The following MORN1 variants were observed in gnomAD, a reference collection of about 807,000 sequenced individuals.
MORN1 encodes MORN repeat containing 1, also known as MORN repeat-containing protein 1.
A neutral mutation model predicts 61.9 loss-of-function variants in MORN1; 67 were observed. That is an observed-to-expected ratio of 1.08 (90% CI 0.89 to 1.33). The LOEUF (loss-of-function observed/expected upper bound fraction) is 1.33, where lower values mean the gene tolerates loss of function less well. Among genes scored for constraint, MORN1 ranks in the 40% most tolerant of loss-of-function variants. The probability of loss-of-function intolerance (pLI) is 0.00; values close to 1 mark genes in which losing one functional copy is unlikely to be tolerated. For synonymous variants in MORN1, 301 were observed against 292.0 expected, an observed-to-expected ratio of 1.03 and a Z score of -0.31; for missense variants, 752 against 691.2, an observed-to-expected ratio of 1.09 and a Z score of -0.99.
chr1:2,324,798 G>A (rs534877071), intron 12 of MORN1, among the ~76,000 whole-genome samples: 1 of 152,232 alleles, frequency 6.6e-6, no homozygotes, highest in South Asian at 2.1e-4. Context: ...ACCCACCAGG[G>A]TTTCTGAACT....
Position 2,374,546 on chromosome 1 carries a change from G to C in MORN1, c.549C>G (p.His183Gln), listed in dbSNP as rs774221004. ...TGCCCAGTCCACTGAAGACGTCGCT[G>C]TGCCACTGTCCCTGCAGAGAGAAGG... ...ADGSTYKGQW[H>Q]SDVFSGLGSM... is the part of the protein sequence containing the mutation. The change falls in exon 7 of 14, where the codon CAC becomes CAG. Residue 183 changes from histidine (H) to glutamine (Q), a missense_variant. Coordinates refer to ENST00000378531, the MANE Select transcript of MORN1 (RefSeq NM_024848.3). 3 of 1,592,862 alleles carry C rather than the reference G, an allele frequency of 1.9e-6. No individual in the cohort carries two copies. The highest frequency in any genetic ancestry group is 2.6e-6 in the Non-Finnish European group (3 of 1,170,226).
chr1:2,352,792 T>G (rs1641679628), intron 10 of MORN1: 1 of 152,198 alleles, frequency 6.6e-6, no homozygotes, highest in Non-Finnish European at 1.5e-5. Context: ...TCAGGCCTCA[T>G]GTTGGATTAT....
chr1:2,360,613 G>C (rs1183959454), intron 8 of MORN1, among the ~76,000 whole-genome samples: 1 of 152,232 alleles, frequency 6.6e-6, no homozygotes, highest in Non-Finnish European at 1.5e-5. Flanking sequence ...GCAGCGAAGA[G>C]GAGAGAGAGG....
At chr1:2,360,273 C>T (rs1641865820) in intron 8 of MORN1, among the ~76,000 whole-genome samples, 1 of 152,216 alleles carries the variant, frequency 6.6e-6, no homozygotes, top group East Asian at 1.9e-4. Context: ...TGTAAAAACA[C>T]TAGCGTAGCC....
In MORN1 at chr1:2,358,632, C is replaced by G. The variant is rs1227057870; in HGVS notation, c.829G>C (p.Val277Leu). The change falls in exon 9 of 14, where the codon GTG (valine) becomes CTG (leucine). Residue 277 changes from valine to leucine, a missense_variant. By Grantham distance (32) the Val-to-Leu change is conservative. Coordinates refer to ENST00000378531, the MANE Select transcript of MORN1 (RefSeq NM_024848.3). ...AGTGTCTCTTGGTTGTCTCTGTCCA[C>G]TTTGAAAAAGTTGACCTCAGAGTAG... ...SAYSEVNFFK[V>L]DRDNQETLIQ... The G allele has an allele frequency of 1.9e-6, 3 of 1,614,142 alleles. No homozygotes were observed. The highest frequency in any genetic ancestry group is 2.5e-6 in the Non-Finnish European group (3 of 1,180,002).
chr1:2,387,767 G>A (rs548111113), intron 3 of MORN1: 8 of 541,162 alleles, frequency 1.5e-5, no homozygotes, highest in Non-Finnish European at 2.3e-5. Flanking sequence ...CATCTATCCC[G>A]AGGGCAAAGG....
intron 4 of MORN1, 132 bp downstream of exon 4, chr1:2,387,287 G>A (rs1642526575): frequency 1.4e-6 from 1 of 723,692 alleles, no homozygotes; most frequent in Admixed American, 1.9e-5. Context: ...GAGGGCATGG[G>A]CCCCCTACCT....
intron 2 of MORN1, among the ~76,000 whole-genome samples, chr1:2,389,492 T>C (rs1446733308): frequency 1.3e-5 from 2 of 152,254 alleles, no homozygotes; most frequent in Non-Finnish European, 2.9e-5. Context: ...GTTCTGGAAC[T>C]CCTGACCTCA....
At chr1:2,384,355 T>C (rs185978582) in intron 6 of MORN1, among the ~76,000 whole-genome samples, 1 of 152,330 alleles carries the variant, frequency 6.6e-6, no homozygotes, top group African/African-American at 2.4e-5. Flanking sequence ...CGCTGCCCCA[T>C]TCGCCCGAGA....
chr1:2,333,045 A>G (rs376782426), intron 12 of MORN1, among the ~76,000 whole-genome samples: 12 of 152,328 alleles, frequency 7.9e-5, no homozygotes, highest in African/African-American at 2.9e-4. Context: ...GGGACTATAA[A>G]AACACGGAAC....
At chr1:2,338,181 G>A (rs950587488) in intron 10 of MORN1, among the ~76,000 whole-genome samples, 1 of 152,332 alleles carries the variant, frequency 6.6e-6, no homozygotes, top group Non-Finnish European at 1.5e-5. Context: ...CGACAGAGAC[G>A]CTAGGGAGAG....
chr1:2,346,232 A>G (rs114580225), intron 10 of MORN1, among the ~76,000 whole-genome samples: 6,081 of 152,226 alleles, frequency 0.04, 404 homozygotes, highest in African/African-American at 0.13. Context: ...GCCTGGCCTG[A>G]AAGCTTCACA....
chr1:2,332,175 C>T (rs1641172394), intron 12 of MORN1: 1 of 186,388 alleles, frequency 5.4e-6, no homozygotes, highest in African/African-American at 2.4e-5. Context: ...CCAGGTGACC[C>T]CACGCTCACC....
intron 2 of MORN1, among the ~76,000 whole-genome samples, chr1:2,389,146 T>C (rs1642582039): frequency 6.7e-6 from 1 of 148,264 alleles, no homozygotes; most frequent in Non-Finnish European, 1.5e-5. Context: ...GAAACAAAAC[T>C]GGCAGAGAGC....
At chr1:2,335,192 G>A (rs547132353) in intron 12 of MORN1, among the ~76,000 whole-genome samples, 127 of 152,352 alleles carry the variant, frequency 8.3e-4, no homozygotes, top group African/African-American at 2.9e-3. Context: ...GCCCCCGAGC[G>A]TTCCCCACGA....
chr1:2,336,564 AG>A lies in MORN1; in HGVS notation c.1171-17del, dbSNP rs1440445508. The A allele has an allele frequency of 6.2e-6, 10 of 1,612,290 alleles. No individual in the cohort carries two copies. Among genetic ancestry groups the A allele is most frequent in the Non-Finnish European group, 8.5e-6 (10 of 1,179,436 alleles). On this transcript the variant is annotated splice_polypyrimidine_tract_variant and intron_variant, in intron 11 of 13. Coordinates refer to ENST00000378531, the MANE Select transcript of MORN1 (RefSeq NM_024848.3). ...CGCCTGCCTTCTAGAAAGATTGGGC[AG>A]GAGGAGGGGAGAAGGAAAGGCTCAG...
chr1:2,350,549 G>T, intron 10 of MORN1: 1 of 152,414 alleles, frequency 6.6e-6, no homozygotes, highest in Non-Finnish European at 1.5e-5. Context: ...TTGAGTGTGA[G>T]CTCCTGGGAG....
intron 12 of MORN1, among the ~76,000 whole-genome samples, chr1:2,328,863 C>T (rs1010079485): frequency 1.3e-5 from 2 of 152,214 alleles, no homozygotes; most frequent in African/African-American, 2.4e-5. Flanking sequence ...CCTCTTGCCT[C>T]CTGCCTGGGC....
chr1:2,362,157 G>T (rs182017721), intron 8 of MORN1, among the ~76,000 whole-genome samples: 1 of 152,148 alleles, frequency 6.6e-6, no homozygotes, highest in Non-Finnish European at 1.5e-5. Context: ...ACTTGAACCC[G>T]GGAGGTGGAG....
Sources: allele counts gnomAD v4.1 joint callset (sites outside exome capture counted in the v4.1 genomes callset), GRCh38; gene constraint gnomAD v4.1.1; transcripts MANE v1.5; gene names NCBI Gene and HGNC (gene_info 2026-07-23, HGNC 2026-07-21).